NHSL1: variants seen among roughly 807,000 people sequenced by gnomAD.
NHSL1 encodes the protein NHS like 1.
A neutral mutation model predicts 95.0 loss-of-function variants in NHSL1; 48 were observed. That is an observed-to-expected ratio of 0.51 (90% CI 0.40 to 0.64). The LOEUF (loss-of-function observed/expected upper bound fraction) is 0.64, where lower values mean the gene tolerates loss of function less well. Ranked by LOEUF, NHSL1 falls within the 30% of genes least tolerant of loss-of-function variation. The pLI is 0.00. For synonymous variants in NHSL1, 783 were observed against 833.9 expected, an observed-to-expected ratio of 0.94 and a Z score of 1.05; for missense variants, 1,971 against 2,077.7, an observed-to-expected ratio of 0.95 and a Z score of 1.00.
intron 1 of NHSL1, among the ~76,000 whole-genome samples, chr6:138,661,599 C>T (rs546848451): frequency 6.6e-6 from 1 of 151,462 alleles, no homozygotes; most frequent in Non-Finnish European, 1.5e-5. Context: ...GAAGTCAAGG[C>T]TGCAGTAAGC....
In NHSL1 at chr6:138,491,223, G is replaced by A. The variant is rs573523436; in HGVS notation, c.211+4996C>T. ...TTCTGATGCCAACAACAGCTGCTCT[G>A]TGAACTAATTCAGGCAGGAATGTAC... On this transcript the variant is annotated intron_variant, in intron 2 of 7. Transcript: ENST00000343505. Among the ~76,000 whole-genome samples the A allele has an allele frequency of 1.2e-4, 19 of 152,306 alleles. No homozygotes were observed. The East Asian group carries it at 3.5e-3, about 28-fold the overall frequency.
chr6:138,620,908 G>A (rs1232955142), intron 1 of NHSL1, among the ~76,000 whole-genome samples: 1 of 152,192 alleles, frequency 6.6e-6, no homozygotes, highest in African/African-American at 2.4e-5. Flanking sequence ...TAGAGCAGGA[G>A]TAAAGAGAGA....
chr6:138,564,058 C>A (rs980592405), intron 1 of NHSL1, among the ~76,000 whole-genome samples: 1 of 150,574 alleles, frequency 6.6e-6, no homozygotes, highest in African/African-American at 2.5e-5. Context: ...TCAAAACAGC[C>A]CTGATCAAAT....
intron 3 of NHSL1, among the ~76,000 whole-genome samples, chr6:138,458,810 G>A (rs1441989074): frequency 7.5e-6 from 1 of 133,552 alleles, no homozygotes; most frequent in African/African-American, 3.0e-5. Flanking sequence ...TGGCAACAGA[G>A]TACGTGAAAA....
At chr6:138,524,030 A>C (rs1022847516) in intron 1 of NHSL1, among the ~76,000 whole-genome samples, 2 of 152,162 alleles carry the variant, frequency 1.3e-5, no homozygotes, top group Non-Finnish European at 2.9e-5. Flanking sequence ...GAGTTGAGGA[A>C]ATGAAGACTG....
intron 1 of NHSL1, among the ~76,000 whole-genome samples, chr6:138,538,236 T>C (rs1281182024): frequency 6.6e-6 from 1 of 152,270 alleles, no homozygotes; most frequent in Middle Eastern, 3.4e-3. Context: ...AAAGCAAAAG[T>C]GCAAATCTGT....
intron 1 of NHSL1, among the ~76,000 whole-genome samples, chr6:138,604,590 T>G (rs1334502392): frequency 6.6e-6 from 1 of 152,214 alleles, no homozygotes; most frequent in Non-Finnish European, 1.5e-5. Flanking sequence ...AATGAATGAA[T>G]GAATGATGAG....
At chr6:138,564,502 T>C (rs574204828) in intron 1 of NHSL1, among the ~76,000 whole-genome samples, 19 of 152,250 alleles carry the variant, frequency 1.2e-4, no homozygotes, top group African/African-American at 4.6e-4. Flanking sequence ...CCGTCTCTAC[T>C]AAAAATACAA....
Position 138,432,578 on chromosome 6 carries a change from T to A in NHSL1, c.1767A>T (p.Gln589His). ...ACCCAGCATCCTCTTTGTTGGACGT[T>A]TGGTCCAAACTGCAGCTGCTCATGT... ...TSNMSSCSLD[Q>H]TSNKEDAGSL... The change falls in exon 6 of 8, where the codon CAA (glutamine) becomes CAT (histidine). Residue 589 changes from glutamine (Q) to histidine (H), a missense_variant. This residue lies in a region of NHSL1 where 1,602 missense variants were observed against 1,654.5 expected (regional missense o/e 0.97). Coordinates refer to ENST00000343505, the MANE Select transcript of NHSL1 (RefSeq NM_001144060.2). This position sits in a 1 kb window ranked among gnomAD's most constrained non-coding sequence, Gnocchi z 4.4. The A allele has an allele frequency of 6.4e-7, 1 of 1,551,722 alleles. No individual in the cohort carries two copies. The highest frequency in any genetic ancestry group is 8.7e-7 in the Non-Finnish European group (1 of 1,146,838).
intron 1 of NHSL1, among the ~76,000 whole-genome samples, chr6:138,606,961 CT>C (rs1784443347): frequency 1.3e-5 from 2 of 152,066 alleles, no homozygotes; most frequent in African/African-American, 2.4e-5. Context: ...CCTCAGCCTC[CT>C]GAAAGTGCTG....
At chr6:138,677,730 G>GT (rs1445661226) in intron 1 of NHSL1, among the ~76,000 whole-genome samples, 2 of 152,168 alleles carry the variant, frequency 1.3e-5, no homozygotes, top group Non-Finnish European at 1.5e-5. Context: ...ACTGCAAATG[G>GT]TATTCTCAAA....
chr6:138,589,736 C>T (rs1784196572), intron 1 of NHSL1, among the ~76,000 whole-genome samples: 1 of 152,136 alleles, frequency 6.6e-6, no homozygotes, highest in Admixed American at 6.6e-5. Flanking sequence ...TAATACGCTC[C>T]TTTCCCTCTG....
rs1554222002 is a variant in NHSL1, at chr6:138,437,341, T to TAC, written c.665-3663_665-3662dup. ...ATATACACACACACATATATATATA[T>TAC]ACACATATATATATACACATATATA... is the stretch of plus-strand genomic sequence containing the variant. On this transcript the variant is annotated intron_variant, in intron 5 of 7. Transcript: ENST00000343505. Among the ~76,000 whole-genome samples the TAC allele has an allele frequency of 8.4e-3, 208 of 24,704 alleles. 6 individuals carry two copies. Among genetic ancestry groups the TAC allele is most frequent in the African/African-American group, 0.03 (186 of 6,172 alleles). 16.2% of individuals were successfully genotyped at this position (24,704 alleles called of 152,430 possible). A position where few individuals can be genotyped will look rare whatever the true frequency, so the allele number is the denominator to read the frequency against.
intron 1 of NHSL1, among the ~76,000 whole-genome samples, chr6:138,614,462 G>A (rs546237797): frequency 6.6e-6 from 1 of 152,262 alleles, no homozygotes; most frequent in South Asian, 2.1e-4. Flanking sequence ...CTGGTGTTTG[G>A]GATCTGTTAC....
chr6:138,466,058 G>A (rs532255215), intron 3 of NHSL1, among the ~76,000 whole-genome samples: 1 of 147,318 alleles, frequency 6.8e-6, no homozygotes, highest in South Asian at 2.2e-4. Context: ...GGGGCAGGGG[G>A]GAACAGAGTC....
chr6:138,503,339 T>G (rs1780786926), upstream of NHSL1, among the ~76,000 whole-genome samples: 1 of 152,230 alleles, frequency 6.6e-6, no homozygotes, highest in Non-Finnish European at 1.5e-5. Context: ...TCCTATGCTA[T>G]TTACTTATTT....
chr6:138,502,935 G>C (rs1780765378), upstream of NHSL1, among the ~76,000 whole-genome samples: 1 of 152,054 alleles, frequency 6.6e-6, no homozygotes, highest in Non-Finnish European at 1.5e-5. Flanking sequence ...CTTAATAAAG[G>C]GCCATGCTTT....
chr6:138,556,813 T>C (rs1473282482), intron 1 of NHSL1, among the ~76,000 whole-genome samples: 1 of 152,070 alleles, frequency 6.6e-6, no homozygotes, highest in African/African-American at 2.4e-5. Context: ...TTGAAATACG[T>C]CTTACCTTCA....
Position 138,423,848 on chromosome 6 carries a change from G to T in NHSL1, c.*233C>A. ...AAAAAAAAAAAAAAAAATCTTCCCCGGGAAGCACTTTCAGAAGTTTAAGCT... is the reference window on the plus strand; with the variant it reads ...AAAAAAAAAAAAAAAAATCTTCCCCTGGAAGCACTTTCAGAAGTTTAAGCT... On this transcript the variant is annotated 3_prime_UTR_variant, in exon 8 of 8. Transcript: ENST00000343505. 2.9e-6 allele frequency: 1 copy of T among 340,008 alleles called. No individual in the cohort carries two copies. Among genetic ancestry groups the T allele is most frequent in the Non-Finnish European group, 5.1e-6 (1 of 194,478 alleles). 21.1% of individuals were successfully genotyped at this position (340,008 alleles called of 1,614,324 possible). A position where few individuals can be genotyped will look rare whatever the true frequency, so the allele number is the denominator to read the frequency against.
Sources: allele counts gnomAD v4.1 joint callset (sites outside exome capture counted in the v4.1 genomes callset), GRCh38; gene constraint gnomAD v4.1.1; regional missense constraint gnomAD v4.1.1; non-coding constraint Gnocchi (gnomAD v3.1); transcripts MANE v1.5; gene names NCBI Gene and HGNC (gene_info 2026-07-23, HGNC 2026-07-21).